FERMT3: variants seen among roughly 807,000 people sequenced by gnomAD.
FERMT3 encodes fermitin family homolog 3.
In FERMT3, 33 loss-of-function variants were observed where a neutral mutation model predicts 80.8. The observed-to-expected ratio is 0.41, with a 90% confidence interval of 0.31 to 0.55. The LOEUF (loss-of-function observed/expected upper bound fraction) is 0.55. FERMT3 is among the 20% of genes least tolerant of loss of function. The probability of loss-of-function intolerance (pLI) is 0.31; values close to 1 mark genes in which losing one functional copy is unlikely to be tolerated. For missense variants in FERMT3, 754 were observed against 908.7 expected (o/e 0.83, Z 2.19); for synonymous variants, 375 against 372.2 (o/e 1.01, Z -0.09).
intron 13 of FERMT3, among the ~76,000 whole-genome samples, chr11:64,222,582 AAAAG>A (rs1216972580): frequency 2.6e-5 from 4 of 151,614 alleles, no homozygotes; most frequent in Admixed American, 2.6e-4. Context: ...AAAAAAAAAA[AAAAG>A]AGATTTCAGG....
At position 64,220,458 on chromosome 11, in the gene FERMT3, TG is replaced by T; in HGVS notation, c.1336del (p.Ala446LeufsTer129). 1 of 1,610,756 alleles carries T rather than the reference TG, an allele frequency of 6.2e-7. No individual in the cohort carries two copies. The highest frequency in any genetic ancestry group is 8.5e-7 in the Non-Finnish European group (1 of 1,179,114). ...CAGGAGCAGCAGTATGCCCGCTGGA[TG>T]GCTGGCTGCCGCCTGGCCTCCAAAG... Reference protein sequence around the residue: ...CQDEQQYARWMAGCRLASKGR... With the variant: ...CQDEQQYARWXAGCRLASKGR... On this transcript the variant is annotated frameshift_variant, in exon 12 of 15. Transcript: ENST00000345728. LOFTEE classifies it high-confidence loss of function.
In FERMT3 at chr11:64,220,711, C is replaced by A. The variant is rs768435490; in HGVS notation, c.1545+42C>A. ...GGGTGGGAATGAGCATAGTGTTTAC[C>A]CAGAGACCTCTGACCCCTGGGTCTC... On this transcript the variant is annotated intron_variant, in intron 12 of 14. Transcript: ENST00000345728. 1.9e-6 allele frequency: 3 copies of A among 1,546,660 alleles called. No individual in the cohort carries two copies. In the East Asian group the frequency reaches 7.0e-5, roughly 36 times the overall value.
At chr11:64,214,922 C>T (rs1267737675) in intron 6 of FERMT3, among the ~76,000 whole-genome samples, 13 of 151,918 alleles carry the variant, frequency 8.6e-5, no homozygotes, top group Non-Finnish European at 5.9e-5. Context: ...CCTGCCTCAG[C>T]CTCCCACATA....
intron 6 of FERMT3, among the ~76,000 whole-genome samples, chr11:64,218,956 T>C (rs999181340): frequency 6.6e-6 from 1 of 152,368 alleles, no homozygotes; most frequent in Admixed American, 6.5e-5. Context: ...CTTGGATTAT[T>C]TGACTTATTG....
rs1946335026 is a variant in FERMT3, at chr11:64,207,398, A to G, written c.34A>G (p.Ile12Val). Residue 12 changes from isoleucine (I) to valine (V), a missense_variant, in exon 2 of 15, where the codon ATC becomes GTC. Coordinates refer to ENST00000345728, the MANE Select transcript of FERMT3 (RefSeq NM_031471.6). Reference sequence around the variant, plus strand: ...GATGAAGACAGCCTCCGGGGACTACATCGACTCGTCATGGGAGCTGCGGGT... The same window carrying G: ...GATGAAGACAGCCTCCGGGGACTACGTCGACTCGTCATGGGAGCTGCGGGT... Reference protein sequence around the residue: ...AGMKTASGDYIDSSWELRVFV... With the variant: ...AGMKTASGDYVDSSWELRVFV... 4.3e-6 allele frequency: 7 copies of G among 1,613,986 alleles called. No individual in the cohort carries two copies. Among genetic ancestry groups the G allele is most frequent in the East Asian group, 2.2e-5 (1 of 44,886 alleles).
At position 64,211,593 on chromosome 11, in the gene FERMT3, C is replaced by T; in HGVS notation, c.684-52C>T. The stretch of plus-strand genomic sequence containing the variant: ...CCCCCCAGCCCAGCCCCCCTCCCCA[C>T]CCCACGGCCGTACCTGGCGCAGCCC... On this transcript the variant is annotated intron_variant, in intron 5 of 14. Transcript: ENST00000345728. The surrounding 1 kb of genome is among the most constrained non-coding windows in gnomAD (Gnocchi z 4.7). 2 of 1,585,302 alleles carry T rather than the reference C, an allele frequency of 1.3e-6. No homozygotes were observed. Among genetic ancestry groups the T allele is most frequent in the South Asian group, 1.1e-5 (1 of 89,112 alleles).
Position 64,219,103 on chromosome 11 carries a change from C to G in FERMT3, c.787-148C>G. The G allele has an allele frequency of 2.7e-6, 2 of 730,422 alleles. No individual in the cohort carries two copies. Among genetic ancestry groups the G allele is most frequent in the Admixed American group, 2.2e-5 (1 of 46,334 alleles). The allele number at this position is 730,422 out of a possible 1,614,324, so 45.2% of individuals were successfully genotyped here. ...AGGCTATTAAGGATGGGGTTGAGGT[C>G]TGTGGCCCATGTCTGGCCACTGAAT... On this transcript the variant is annotated intron_variant, in intron 6 of 14. Coordinates refer to ENST00000345728, the MANE Select transcript of FERMT3 (RefSeq NM_031471.6). This position sits in a 1 kb window ranked among gnomAD's most constrained non-coding sequence, Gnocchi z 4.0.
chr11:64,217,846 T>C (rs1946583607), intron 6 of FERMT3, among the ~76,000 whole-genome samples: 1 of 152,208 alleles, frequency 6.6e-6, no homozygotes, highest in Admixed American at 6.5e-5. Flanking sequence ...TTGAGATCTC[T>C]GTTCTTTTTG....
intron 6 of FERMT3, among the ~76,000 whole-genome samples, chr11:64,212,058 T>G (rs1462411244): frequency 6.6e-6 from 1 of 152,164 alleles, no homozygotes; most frequent in Non-Finnish European, 1.5e-5. Context: ...AGTGTGTGTG[T>G]GGGTGCCCCT....
At chr11:64,206,456 G>A (rs560465242), upstream of FERMT3, among the ~76,000 whole-genome samples, 14 of 152,352 alleles carry the variant, frequency 9.2e-5, no homozygotes, top group South Asian at 2.9e-3. Context: ...CACAAAAGTG[G>A]ACCTAGCCCT....
At position 64,219,708 on chromosome 11, in the gene FERMT3, C is replaced by T. The variant is rs763667482; in HGVS notation, c.1030-32C>T. ...CTGGGCAGGGAGAACTGTGAGGTACCGGGTGCCCCTCTGACTCTGGTCCTC... is the reference window on the plus strand; with the variant it reads ...CTGGGCAGGGAGAACTGTGAGGTACTGGGTGCCCCTCTGACTCTGGTCCTC... On this transcript the variant is annotated intron_variant, in intron 8 of 14. Coordinates refer to ENST00000345728, the MANE Select transcript of FERMT3 (RefSeq NM_031471.6). This position sits in a 1 kb window ranked among gnomAD's most constrained non-coding sequence, Gnocchi z 4.0. 9.3e-6 allele frequency: 15 copies of T among 1,613,214 alleles called. No homozygotes were observed. Among genetic ancestry groups the T allele is most frequent in the Middle Eastern group, 1.6e-4 (1 of 6,084 alleles).
At chr11:64,222,563 CAAAAAAAAA>C (rs34119299) in intron 13 of FERMT3, among the ~76,000 whole-genome samples, 4 of 83,450 alleles carry the variant, frequency 4.8e-5, no homozygotes, top group Non-Finnish European at 7.0e-5. Context: ...CACTCCGTCT[CAAAAAAAAA>C]AAAAAAAAAA....
Position 64,223,829 on chromosome 11 carries a change from GTTCT to G in FERMT3, c.*343_*346del, listed in dbSNP as rs1946785664. ...GATGATGAAACATGGTTTCAAACGA[GTTCT>G]TTCTTGTTACTTTTTAAAATTTCTT... On this transcript the variant is annotated 3_prime_UTR_variant, in exon 15 of 15. Transcript: ENST00000345728. 2 of 1,315,292 alleles carry G rather than the reference GTTCT, an allele frequency of 1.5e-6. No homozygotes were observed. Among genetic ancestry groups the G allele is most frequent in the African/African-American group, 1.5e-5 (1 of 66,892 alleles). 81.5% of individuals were successfully genotyped at this position (1,315,292 alleles called of 1,614,324 possible).
In FERMT3 at chr11:64,208,078, C is replaced by T. The variant is rs764752671; in HGVS notation, c.160+554C>T. 8.8e-4 allele frequency among the ~76,000 whole-genome samples: 134 copies of T among 152,110 alleles called. 1 individual carries two copies. The highest frequency in any genetic ancestry group is 1.7e-3 in the Non-Finnish European group (117 of 67,974). On this transcript the variant is annotated intron_variant, in intron 2 of 14. Coordinates refer to ENST00000345728, the MANE Select transcript of FERMT3 (RefSeq NM_031471.6). ...CCTTCCTGAGAGAGCAGCAGGAAGA[C>T]CCCGATAGGCAGAGCCGGAAGACAG...
At position 64,211,217 on chromosome 11, in the gene FERMT3, G is replaced by A. The variant is rs756850910; in HGVS notation, c.514+46G>A. Reference sequence around the variant, plus strand: ...GCCTGGGGGGTTGGGGGCAGGGGCCGGCCCGTGAGTCCCAGCCCTGGGGGA... The same window carrying A: ...GCCTGGGGGGTTGGGGGCAGGGGCCAGCCCGTGAGTCCCAGCCCTGGGGGA... On this transcript the variant is annotated intron_variant, in intron 4 of 14. Transcript: ENST00000345728. This position sits in a 1 kb window ranked among gnomAD's most constrained non-coding sequence, Gnocchi z 4.7. 51 of 1,602,068 alleles carry A rather than the reference G, an allele frequency of 3.2e-5. No homozygotes were observed. The highest frequency in any genetic ancestry group is 1.8e-4 in the Middle Eastern group (1 of 5,632).
At position 64,219,992 on chromosome 11, in the gene FERMT3, C is replaced by T. The variant is rs1262486630; in HGVS notation, c.1181C>T (p.Pro394Leu). The T allele has an allele frequency of 6.2e-7, 1 of 1,613,544 alleles. No homozygotes were observed. Among genetic ancestry groups the T allele is most frequent in the African/African-American group, 1.3e-5 (1 of 74,910 alleles). Residue 394 changes from proline to leucine, a missense_variant, in exon 10 of 15, where the codon CCC (proline) becomes CTC (leucine). Transcript: ENST00000345728. The surrounding 1 kb of genome is among the most constrained non-coding windows in gnomAD (Gnocchi z 4.0). ...YKSQDEAPGD[P>L]IQQLNLKGCE... is the part of the protein sequence containing the mutation. ...AGCCAGGACGAGGCCCCTGGGGACC[C>T]CATTCAGCAGCTCAACCTCAAGGGT...
chr11:64,220,187 C>A (rs568874727), intron 10 of FERMT3, 33 bp from the exon 11 acceptor site: 25 of 1,606,002 alleles, frequency 1.6e-5, no homozygotes, highest in Non-Finnish European at 2.1e-5. Flanking sequence ...CTTCCCCTCC[C>A]GACCTCCTAG....
intron 2 of FERMT3, 88 bp downstream of exon 2, chr11:64,207,612 T>C: frequency 2.7e-6 from 4 of 1,479,594 alleles, no homozygotes; most frequent in Non-Finnish European, 3.7e-6. Flanking sequence ...TCCCTGCTGC[T>C]CAGCTCCCGA....
At chr11:64,215,832 ATT>A (rs766923508) in intron 6 of FERMT3, among the ~76,000 whole-genome samples, 4 of 137,956 alleles carry the variant, frequency 2.9e-5, no homozygotes, top group Non-Finnish European at 3.1e-5. Context: ...AGAAGTTGGG[ATT>A]TTTTTTTTTT....
Sources: allele counts gnomAD v4.1 joint callset (sites outside exome capture counted in the v4.1 genomes callset), GRCh38; gene constraint gnomAD v4.1.1; non-coding constraint Gnocchi (gnomAD v3.1); transcripts MANE v1.5; gene names NCBI Gene and HGNC (gene_info 2026-07-23, HGNC 2026-07-21).